GMDS: variants seen among roughly 807,000 people sequenced by gnomAD.
GMDS encodes GDP-mannose 4,6 dehydratase.
Under a neutral mutation model 49.9 loss-of-function variants are expected in GMDS, and 20 were observed. The observed-to-expected ratio is 0.40, with a 90% CI of 0.28 to 0.58. The LOEUF is 0.58. Among genes scored for constraint, GMDS ranks in the 20% least tolerant of loss-of-function variants. The probability of loss-of-function intolerance (pLI) is 0.42; values close to 1 mark genes in which losing one functional copy is unlikely to be tolerated. For missense variants in GMDS, 362 were observed against 481.4 expected, an observed-to-expected ratio of 0.75 and a Z score of 2.32; for synonymous variants, 177 against 178.6, an observed-to-expected ratio of 0.99 and a Z score of 0.07.
At chr6:2,126,241 C>G (rs1463395306) in intron 1 of GMDS, among the ~76,000 whole-genome samples, 2 of 152,160 alleles carry the variant, frequency 1.3e-5, no homozygotes, top group African/African-American at 4.8e-5. Context: ...TGCTCCTCTG[C>G]TTTCTGCCCA....
intron 7 of GMDS, among the ~76,000 whole-genome samples, chr6:1,876,915 A>G (rs1759097243): frequency 6.6e-6 from 1 of 152,236 alleles, no homozygotes; most frequent in Non-Finnish European, 1.5e-5. Flanking sequence ...TTGTTAAAAA[A>G]TGCCCTGAGA....
chr6:2,228,635 T>G (rs1780929772), intron 1 of GMDS, among the ~76,000 whole-genome samples: 4 of 152,218 alleles, frequency 2.6e-5, no homozygotes, highest in Non-Finnish European at 4.4e-5. Context: ...CTATTTAAAC[T>G]TGGAGTCCAC....
chr6:1,964,852 T>C (rs1023836648), intron 4 of GMDS, among the ~76,000 whole-genome samples: 3 of 152,208 alleles, frequency 2.0e-5, no homozygotes, highest in East Asian at 3.9e-4. Context: ...CCCCGGTGTG[T>C]GATGTTCCCC....
In GMDS at chr6:2,060,065, G is replaced by A. The variant is rs570006717; in HGVS notation, c.345+55706C>T. 1.4e-4 allele frequency among the ~76,000 whole-genome samples: 21 copies of A among 151,980 alleles called. No individual in the cohort carries two copies. The South Asian group carries it at 1.5e-3, about 11-fold the overall frequency. ...CTCCCTCATTTTTTCACTAAGCTAC[G>A]TTTTCCTTTCTTCAAAACTGTTCTC... On this transcript the variant is annotated intron_variant, in intron 4 of 10. Coordinates refer to ENST00000380815, the MANE Select transcript of GMDS (RefSeq NM_001500.4).
intron 9 of GMDS, among the ~76,000 whole-genome samples, chr6:1,652,135 G>A (rs1237420524): frequency 2.0e-5 from 3 of 151,050 alleles, no homozygotes; most frequent in African/African-American, 7.3e-5. Context: ...CACTTTGGGA[G>A]GCGAGGCGGG....
At chr6:2,222,112 C>T (rs555788094) in intron 1 of GMDS, among the ~76,000 whole-genome samples, 1 of 152,326 alleles carries the variant, frequency 6.6e-6, no homozygotes, top group South Asian at 2.1e-4. Context: ...GACTAGTATG[C>T]TGAAGTCTGA....
At chr6:1,743,769 A>AT (rs1466680002) in intron 7 of GMDS, among the ~76,000 whole-genome samples, 2 of 118,692 alleles carry the variant, frequency 1.7e-5, no homozygotes, top group Admixed American at 8.3e-5. Flanking sequence ...GGAGATGAAG[A>AT]TTTAAAAAAA....
At chr6:2,200,365 G>A (rs1581786528) in intron 1 of GMDS, among the ~76,000 whole-genome samples, 1 of 151,478 alleles carries the variant, frequency 6.6e-6, no homozygotes, top group East Asian at 1.9e-4. Flanking sequence ...TAGGCAGTGA[G>A]GGCAGCATGT....
chr6:1,657,203 A>G (rs1215870653), intron 9 of GMDS, among the ~76,000 whole-genome samples: 4 of 152,210 alleles, frequency 2.6e-5, no homozygotes, highest in Admixed American at 6.5e-5. Flanking sequence ...GAAGTCCCTG[A>G]CGATGTGTCA....
chr6:2,220,404 T>TA (rs1401845618), intron 1 of GMDS, among the ~76,000 whole-genome samples: 1 of 152,240 alleles, frequency 6.6e-6, no homozygotes, highest in Non-Finnish European at 1.5e-5. Flanking sequence ...CCCTGACACT[T>TA]ATTTTCTCGC....
intron 3 of GMDS, among the ~76,000 whole-genome samples, 183 bp downstream of exon 3, chr6:2,117,286 T>C (rs538434119): frequency 6.6e-6 from 1 of 152,272 alleles, no homozygotes; most frequent in African/African-American, 2.4e-5. Flanking sequence ...CACTACGGCC[T>C]AGGGCAGTGA....
Position 1,991,026 on chromosome 6 carries a change from T to C in GMDS, c.346-30060A>G, listed in dbSNP as rs1247592562. On this transcript the variant is annotated intron_variant, in intron 4 of 10. Coordinates refer to ENST00000380815, the MANE Select transcript of GMDS (RefSeq NM_001500.4). ...AGTGTTCAGTCATGTCACATATTTT[T>C]AATTAGCTCCCTTTTGGGTTCTCTA... Among the ~76,000 whole-genome samples the C allele has an allele frequency of 2.0e-5, 3 of 152,312 alleles. No individual in the cohort carries two copies. The East Asian group carries it at 5.8e-4, about 29-fold the overall frequency.
At chr6:2,131,463 G>A (rs753586354) in intron 1 of GMDS, among the ~76,000 whole-genome samples, 5 of 152,076 alleles carry the variant, frequency 3.3e-5, no homozygotes, top group Non-Finnish European at 7.4e-5. Context: ...CCCAACTTAC[G>A]ATGGATCCAC....
At chr6:2,052,452 C>T (rs9503081) in intron 4 of GMDS, among the ~76,000 whole-genome samples, 1,989 of 152,272 alleles carry the variant, frequency 0.013, 39 homozygotes, top group African/African-American at 0.045. Context: ...AAAACCTCCA[C>T]ACAGCAAGGT....
Position 1,690,822 on chromosome 6 carries a change from A to G in GMDS, c.987+35594T>C, listed in dbSNP as rs1001085018. On this transcript the variant is annotated intron_variant, in intron 9 of 10. Coordinates refer to ENST00000380815, the MANE Select transcript of GMDS (RefSeq NM_001500.4). ...AAAACCACAGTGAGATACCATCTCA[A>G]ACCAGTCAGAATGGTGATTATTAAA... Among the ~76,000 whole-genome samples the G allele has an allele frequency of 5.8e-4, 88 of 152,328 alleles. No homozygotes were observed. The Middle Eastern group carries it at 0.014, about 24-fold the overall frequency.
intron 7 of GMDS, among the ~76,000 whole-genome samples, chr6:1,831,275 T>C (rs931602755): frequency 2.0e-5 from 3 of 152,236 alleles, no homozygotes; most frequent in African/African-American, 7.2e-5. Context: ...CCATCTGCCA[T>C]GTGTGACAAG....
At chr6:2,127,459 G>A (rs1189153817) in intron 1 of GMDS, among the ~76,000 whole-genome samples, 1 of 151,906 alleles carries the variant, frequency 6.6e-6, no homozygotes, top group African/African-American at 2.4e-5. Flanking sequence ...GAGGTGGCAA[G>A]AGCTGTGATT....
rs979454940 is a variant in GMDS at position 1,813,230 on chromosome 6, A to G, written c.772-70644T>C. Among the ~76,000 whole-genome samples, 241 of 150,936 alleles carry G rather than the reference A, an allele frequency of 1.6e-3. 1 individual carries two copies. The East Asian group carries it at 0.022, about 14-fold the overall frequency. On this transcript the variant is annotated intron_variant, in intron 7 of 10. Coordinates refer to ENST00000380815, the MANE Select transcript of GMDS (RefSeq NM_001500.4). Reference sequence around the variant, plus strand: ...GAGCAAGACTCTGTCTCTTAAAAAAAAAAAAAAAAAAAAAAAAACCTTAAT... The same window carrying G: ...GAGCAAGACTCTGTCTCTTAAAAAAGAAAAAAAAAAAAAAAAAACCTTAAT...
intron 4 of GMDS, among the ~76,000 whole-genome samples, chr6:2,024,295 C>CA (rs1345783908): frequency 3.9e-5 from 6 of 151,994 alleles, no homozygotes; most frequent in African/African-American, 1.4e-4. Flanking sequence ...AAACTATCAT[C>CA]AAAGGACAGA....
Sources: gnomAD v4.1 joint callset for allele counts (sites outside exome capture counted in the v4.1 genomes callset) on GRCh38, gnomAD v4.1.1 for gene constraint, MANE v1.5 for transcripts, NCBI Gene and HGNC (gene_info 2026-07-23, HGNC 2026-07-21) for gene names.